RHOBTB2: variants seen among roughly 807,000 people sequenced by gnomAD.
The protein encoded by RHOBTB2 is Rho related BTB domain containing 2, also known as rho-related BTB domain-containing protein 2.
In RHOBTB2, 39 loss-of-function variants were observed where a neutral mutation model predicts 66.5. The ratio of observed to expected loss-of-function variants is 0.59; its 90% CI spans 0.45 to 0.77. RHOBTB2 has a LOEUF of 0.77. Ranked by LOEUF, RHOBTB2 falls within the 30% of genes least tolerant of loss-of-function variation. The pLI is 0.00. For missense variants in RHOBTB2, 755 were observed against 999.1 expected (o/e 0.76, Z 3.29); for synonymous variants, 390 against 395.0 (o/e 0.99, Z 0.15).
chr8:22,968,345 G>A, the RHOBTB2 span, among the ~76,000 whole-genome samples: 1 of 151,766 alleles, frequency 6.6e-6, no homozygotes, highest in Non-Finnish European at 1.5e-5. Flanking sequence ...ATTTAATAAA[G>A]TTTATTAAAG....
the RHOBTB2 span, among the ~76,000 whole-genome samples, chr8:22,959,363 C>T: frequency 5.3e-5 from 8 of 152,324 alleles, no homozygotes; most frequent in African/African-American, 1.7e-4. Flanking sequence ...TCTCCTGCCT[C>T]GGGCTCCCGA....
the RHOBTB2 span, among the ~76,000 whole-genome samples, chr8:22,969,104 C>T: frequency 1.3e-5 from 2 of 152,084 alleles, no homozygotes. Context: ...GCTGGGGAGG[C>T]CTCACAATCA....
chr8:22,995,328 G>C (rs1361170172), upstream of RHOBTB2, among the ~76,000 whole-genome samples: 1 of 152,194 alleles, frequency 6.6e-6, no homozygotes, highest in Non-Finnish European at 1.5e-5. Flanking sequence ...AAGCTCCCCT[G>C]CCGGTCCCAG....
chr8:22,993,269 C>T (rs1810468136), intron 2 of RHOBTB2, among the ~76,000 whole-genome samples: 1 of 152,148 alleles, frequency 6.6e-6, no homozygotes. Flanking sequence ...AAGAGATCCT[C>T]CCGCCTCAGC....
At chr8:22,970,503 A>C in the RHOBTB2 span, among the ~76,000 whole-genome samples, 10 of 152,164 alleles carry the variant, frequency 6.6e-5, no homozygotes, top group African/African-American at 2.4e-4. Flanking sequence ...TGGGAGACTA[A>C]GGCAGGAGGA....
At chr8:23,009,078 T>C (rs993249408) in intron 6 of RHOBTB2, among the ~76,000 whole-genome samples, 48 of 151,572 alleles carry the variant, frequency 3.2e-4, no homozygotes, top group African/African-American at 1.1e-3. Flanking sequence ...TCCCAGCACT[T>C]TGAGGGGCTG....
chr8:22,988,247 C>T, intron 1 of RHOBTB2, among the ~76,000 whole-genome samples: 1 of 151,456 alleles, frequency 6.6e-6, no homozygotes. Context: ...GCAAACTCCG[C>T]CTCCCGAATT....
upstream of RHOBTB2, among the ~76,000 whole-genome samples, chr8:22,984,009 C>T (rs1320237756): frequency 6.6e-6 from 1 of 152,200 alleles, no homozygotes; most frequent in African/African-American, 2.4e-5. Context: ...GCTGGGATTA[C>T]AGGCGTGAGC....
chr8:22,994,513 C>A, intron 2 of RHOBTB2: 1 of 1,182,702 alleles, frequency 8.5e-7, no homozygotes, highest in South Asian at 1.3e-5. Flanking sequence ...CCTTTCTCCC[C>A]TCTGTCTCCC....
the RHOBTB2 span, among the ~76,000 whole-genome samples, chr8:22,965,624 C>CTT: frequency 6.6e-6 from 1 of 152,134 alleles, no homozygotes; most frequent in African/African-American, 2.4e-5. Flanking sequence ...GAAATAAACC[C>CTT]TTGCATATAT....
intron 1 of RHOBTB2, among the ~76,000 whole-genome samples, chr8:22,990,361 C>T (rs915253096): frequency 1.3e-5 from 2 of 152,148 alleles, no homozygotes; most frequent in Non-Finnish European, 2.9e-5. Flanking sequence ...ACACCCCCAG[C>T]ACCCCACCTT....
At chr8:22,991,666 C>A (rs1810428696) in intron 1 of RHOBTB2, among the ~76,000 whole-genome samples, 1 of 152,174 alleles carries the variant, frequency 6.6e-6, no homozygotes, top group Non-Finnish European at 1.5e-5. Flanking sequence ...GGCTTTTACA[C>A]CATTCTCTGA....
At position 23,007,393 on chromosome 8, in the gene RHOBTB2, G is replaced by C; in HGVS notation, c.1148G>C (p.Gly383Ala). ...GGAACAGGGTACCTACCGGGCAGGG[G>C]TCGTGTGCTGTCTTCCTGGAGCCGA... Reference protein sequence around the residue: ...GNGTGYLPGRGRVLSSWSRAF... With the variant: ...GNGTGYLPGRARVLSSWSRAF... Residue 383 changes from glycine (G) to alanine (A), a missense_variant, in exon 5 of 10, where the codon GGT (glycine) becomes GCT (alanine). This residue lies in a region of RHOBTB2 where 247 missense variants were observed against 238.9 expected (regional missense o/e 1.03). Coordinates refer to ENST00000251822, the MANE Select transcript of RHOBTB2 (RefSeq NM_015178.3). The C allele has an allele frequency of 6.2e-7, 1 of 1,614,182 alleles. No homozygotes were observed. Among genetic ancestry groups the C allele is most frequent in the Non-Finnish European group, 8.5e-7 (1 of 1,180,042 alleles).
chr8:22,991,640 C>A (rs1406646657), intron 1 of RHOBTB2, among the ~76,000 whole-genome samples: 2 of 152,112 alleles, frequency 1.3e-5, no homozygotes, highest in East Asian at 3.9e-4. Context: ...GAACTCAGCT[C>A]CTGACTCCAC....
the RHOBTB2 span, among the ~76,000 whole-genome samples, chr8:22,968,861 A>T: frequency 6.6e-6 from 1 of 151,508 alleles, no homozygotes; most frequent in African/African-American, 2.4e-5. Flanking sequence ...TTTATATGAT[A>T]TTGGAGAGGG....
chr8:23,011,934 A>G (rs1811160663), intron 7 of RHOBTB2, among the ~76,000 whole-genome samples: 1 of 152,176 alleles, frequency 6.6e-6, no homozygotes, highest in Admixed American at 6.5e-5. Context: ...AATGAATGAT[A>G]AGGTGGGGCT....
In RHOBTB2 at chr8:23,005,945, C is replaced by T. The variant is rs376353292; in HGVS notation, c.297-15C>T. 9 of 1,603,290 alleles carry T rather than the reference C, an allele frequency of 5.6e-6. No individual in the cohort carries two copies. The highest frequency in any genetic ancestry group is 1.7e-5 in the Admixed American group (1 of 59,662). ...ACTTGTTTCTCTGCCCGTAACCTTA[C>T]TTTCCCACCCGCAGATCTGATGTGG... On this transcript the variant is annotated splice_polypyrimidine_tract_variant and intron_variant, in intron 3 of 9. Coordinates refer to ENST00000251822, the MANE Select transcript of RHOBTB2 (RefSeq NM_015178.3).
chr8:22,959,331 C>G, the RHOBTB2 span, among the ~76,000 whole-genome samples: 16 of 152,348 alleles, frequency 1.1e-4, 1 homozygote, highest in African/African-American at 3.6e-4. Flanking sequence ...ACTGCAACCT[C>G]TGCCTCCCAG....
the RHOBTB2 span, among the ~76,000 whole-genome samples, chr8:22,963,720 G>A: frequency 6.6e-6 from 1 of 151,814 alleles, no homozygotes; most frequent in Non-Finnish European, 1.5e-5. Context: ...CATGGATGGT[G>A]GCAGGCAAAA....
Sources: allele counts gnomAD v4.1 joint callset (sites outside exome capture counted in the v4.1 genomes callset), GRCh38; gene constraint gnomAD v4.1.1; regional missense constraint gnomAD v4.1.1; transcripts MANE v1.5; gene names NCBI Gene and HGNC (gene_info 2026-07-23, HGNC 2026-07-21).